The following CNTNAP4 variants were observed in gnomAD, a reference collection of about 807,000 sequenced individuals.
CNTNAP4 encodes the protein contactin associated protein family member 4, also known as contactin-associated protein-like 4.
In CNTNAP4, 98 loss-of-function variants were observed where a neutral mutation model predicts 148.4. The ratio of observed to expected loss-of-function variants is 0.66; its 90% CI spans 0.56 to 0.78. CNTNAP4 has a LOEUF of 0.78. Ranked by LOEUF, CNTNAP4 falls within the 30% of genes least tolerant of loss-of-function variation. The probability of loss-of-function intolerance (pLI) is 0.00; values close to 1 mark genes in which losing one functional copy is unlikely to be tolerated. For synonymous variants in CNTNAP4, 730 were observed against 565.1 expected (o/e 1.29, Z -4.14); for missense variants, 1,935 against 1,565.6 (o/e 1.24, Z -3.98).
chr16:76,522,634 C>CTTCCTTCCTTCCTTCCTTCCTTCTTTCT (rs151001744), intron 17 of CNTNAP4, among the ~76,000 whole-genome samples: 1 of 73,032 alleles, frequency 1.4e-5, no homozygotes, highest in Non-Finnish European at 3.2e-5. Flanking sequence ...TCCTTCCTTC[C>CTTCCTTCCTTCCTTCCTTCCTTCTTTCT]TTCTTTCTTT....
intron 8 of CNTNAP4, among the ~76,000 whole-genome samples, chr16:76,454,071 C>T (rs973740123): frequency 2.0e-5 from 3 of 150,304 alleles, no homozygotes; most frequent in South Asian, 2.1e-4. Flanking sequence ...TTCAGTGCAA[C>T]GTTACTTTGG....
chr16:76,502,682 A>T (rs375609460), intron 15 of CNTNAP4, among the ~76,000 whole-genome samples: 2 of 152,144 alleles, frequency 1.3e-5, no homozygotes, highest in South Asian at 2.1e-4. Context: ...ATCAACTACG[A>T]GGTAAATTCG....
rs963386675 is a variant in CNTNAP4 at position 76,427,531 on chromosome 16, T to G, written c.470T>G (p.Phe157Cys). The G allele has an allele frequency of 2.5e-6, 4 of 1,613,136 alleles. No homozygotes were observed. The African/African-American group carries it at 5.3e-5, about 22-fold the overall frequency. Reference protein sequence around the residue: ...QPSIKARFLRFIPLEWNPKGR... With the variant: ...QPSIKARFLRCIPLEWNPKGR... ...TCTATCAAAGCCAGATTTCTGCGCT[T>G]CATCCCTTTGGAATGGAACCCCAAG... Residue 157 changes from phenylalanine (F) to cysteine (C), a missense_variant, in exon 4 of 24, where the codon TTC becomes TGC. By Grantham distance (205) the Phe-to-Cys change is radical. Transcript: ENST00000611870.
At chr16:76,290,894 C>G (rs1324918387) in intron 1 of CNTNAP4, among the ~76,000 whole-genome samples, 1 of 152,124 alleles carries the variant, frequency 6.6e-6, no homozygotes, top group African/African-American at 2.4e-5. Context: ...TTTGGTGTAG[C>G]CTCTCCTCCT....
intron 15 of CNTNAP4, among the ~76,000 whole-genome samples, chr16:76,519,879 A>C (rs1009074309): frequency 7.9e-5 from 12 of 152,232 alleles, no homozygotes; most frequent in African/African-American, 2.9e-4. Context: ...ACAAAAATAG[A>C]AGCATTATTC....
chr16:76,316,402 C>G lies in CNTNAP4; in HGVS notation c.86-11C>G. The G allele has an allele frequency of 6.3e-7, 1 of 1,599,674 alleles. No homozygotes were observed. Among genetic ancestry groups the G allele is most frequent in the East Asian group, 2.2e-5 (1 of 44,766 alleles). On this transcript the variant is annotated splice_polypyrimidine_tract_variant and intron_variant, in intron 1 of 23. Coordinates refer to ENST00000611870, the MANE Select transcript of CNTNAP4 (RefSeq NM_033401.5). Reference sequence around the variant, plus strand: ...TAACTAACCCTAACGTGGCATTGTTCCTCCTGGCAGATGACTGTGATGATC... The same window carrying G: ...TAACTAACCCTAACGTGGCATTGTTGCTCCTGGCAGATGACTGTGATGATC...
At chr16:76,312,754 T>A (rs961285459) in intron 1 of CNTNAP4, among the ~76,000 whole-genome samples, 5 of 152,182 alleles carry the variant, frequency 3.3e-5, no homozygotes, top group African/African-American at 1.2e-4. Flanking sequence ...TACGGTTCTA[T>A]CACAATGAGA....
rs59482710 is a variant in CNTNAP4 at position 76,346,432 on chromosome 16, T to TAA, written c.197-8868_197-8867dup. 7.9e-3 allele frequency among the ~76,000 whole-genome samples: 979 copies of TAA among 123,736 alleles called. 10 individuals carry two copies. The highest frequency in any genetic ancestry group is 0.018 in the African/African-American group (578 of 32,166). The allele number at this position is 123,736 out of a possible 152,430, so 81.2% of individuals were successfully genotyped here. On this transcript the variant is annotated intron_variant, in intron 2 of 23. Transcript: ENST00000611870. Reference sequence around the variant, plus strand: ...ATCATCTCAGTCTGGCTAGGGAAGATAAAAAAAAAAAAAAAAAAAGAAGGT... The same window carrying TAA: ...ATCATCTCAGTCTGGCTAGGGAAGATAAAAAAAAAAAAAAAAAAAAAGAAGGT...
At chr16:76,401,367 A>T (rs1368531216) in intron 3 of CNTNAP4, among the ~76,000 whole-genome samples, 1 of 152,006 alleles carries the variant, frequency 6.6e-6, no homozygotes, top group Non-Finnish European at 1.5e-5. Flanking sequence ...GGTGTATAGG[A>T]ATGCTAGTGA....
chr16:76,419,527 C>G (rs2079106808), intron 3 of CNTNAP4, among the ~76,000 whole-genome samples: 1 of 152,036 alleles, frequency 6.6e-6, no homozygotes, highest in Non-Finnish European at 1.5e-5. Flanking sequence ...CTAGTCTACA[C>G]TCAGTTTCCA....
chr16:76,448,706 AC>A (rs1468818554), intron 5 of CNTNAP4, 60 bp from the exon 6 acceptor site: 2 of 1,221,392 alleles, frequency 1.6e-6, no homozygotes, highest in South Asian at 1.5e-5. Context: ...ACAGAAGGGA[AC>A]CTTTTTTTTT....
intron 4 of CNTNAP4, among the ~76,000 whole-genome samples, chr16:76,434,236 T>A (rs4354968): frequency 0.53 from 80,580 of 151,644 alleles, 21,634 homozygotes; most frequent in South Asian, 0.7. Context: ...CGTTAAGTAG[T>A]TATTAAGGTC....
intron 12 of CNTNAP4, among the ~76,000 whole-genome samples, chr16:76,488,979 C>T (rs946994502): frequency 6.6e-6 from 1 of 152,128 alleles, no homozygotes; most frequent in East Asian, 1.9e-4. Context: ...GTGTCAGATG[C>T]ATTCAATTCA....
chr16:76,540,646 C>T (rs1308403559), intron 20 of CNTNAP4, 57 bp from the exon 21 acceptor site: 25 of 1,273,452 alleles, frequency 2.0e-5, no homozygotes, highest in Non-Finnish European at 2.7e-5. Context: ...TGCTTCCTGT[C>T]TTCTCAACAA....
intron 17 of CNTNAP4, among the ~76,000 whole-genome samples, chr16:76,528,951 T>C (rs2083857374): frequency 6.6e-6 from 1 of 152,192 alleles, no homozygotes; most frequent in Non-Finnish European, 1.5e-5. Context: ...TAACTTCAAC[T>C]AATCTAAACT....
chr16:76,557,231 A>G (rs972974067), intron 23 of CNTNAP4: 2 of 152,162 alleles, frequency 1.3e-5, no homozygotes, highest in African/African-American at 4.8e-5. Context: ...TTCACAACAT[A>G]TGCTGTGTAA....
intron 3 of CNTNAP4, among the ~76,000 whole-genome samples, chr16:76,409,632 T>C (rs1235133856): frequency 6.6e-6 from 1 of 152,028 alleles, no homozygotes; most frequent in African/African-American, 2.4e-5. Context: ...ACTATTTTTG[T>C]TGAAGTAACT....
intron 2 of CNTNAP4, among the ~76,000 whole-genome samples, chr16:76,334,176 TATAATAATAATA>T (rs56790152): frequency 2.7e-5 from 4 of 149,390 alleles, no homozygotes; most frequent in East Asian, 1.9e-4. Flanking sequence ...AAACTTAAAG[TATAATAATAATA>T]ATAATAATAA....
chr16:76,279,532 C>T (rs1254212592), intron 1 of CNTNAP4, among the ~76,000 whole-genome samples: 1 of 152,170 alleles, frequency 6.6e-6, no homozygotes, highest in Non-Finnish European at 1.5e-5. Context: ...CCCTCACTGA[C>T]ACTTAAAATT....
Sources: allele counts gnomAD v4.1 joint callset (sites outside exome capture counted in the v4.1 genomes callset), GRCh38; gene constraint gnomAD v4.1.1; transcripts MANE v1.5; gene names NCBI Gene and HGNC (gene_info 2026-07-23, HGNC 2026-07-21).